Variants in DIAPH2 observed in about 807,000 individuals in gnomAD.
DIAPH2 encodes the protein protein diaphanous homolog 2.
Under a neutral mutation model 92.7 loss-of-function variants are expected in DIAPH2, and 35 were observed. That is an observed-to-expected ratio of 0.38 (90% CI 0.29 to 0.50). The LOEUF is 0.50. DIAPH2 is among the 20% of genes least tolerant of loss of function. The pLI, the probability that DIAPH2 is intolerant of heterozygous loss-of-function variation, is 0.94. For missense variants in DIAPH2, 701 were observed against 819.5 expected (o/e 0.86, Z 1.77); for synonymous variants, 301 against 280.4 (o/e 1.07, Z -0.73).
chrX:97,321,582 C>G lies in DIAPH2; in HGVS notation c.2845-26534C>G, dbSNP rs1372552417. 4.9e-5 allele frequency among the ~76,000 whole-genome samples: 4 copies of G among 81,617 alleles called. 1 individual carries two copies. Among genetic ancestry groups the G allele is most frequent in the African/African-American group, 2.0e-4 (4 of 20,485 alleles). 70.9% of individuals were successfully genotyped at this position (81,617 alleles called of 115,157 possible). Reference sequence around the variant, plus strand: ...TTTTTTTTTTTGAGATGGAATCTCGCTCTGTCCCCCAGGCTGGAGTGCAGT... The same window carrying G: ...TTTTTTTTTTTGAGATGGAATCTCGGTCTGTCCCCCAGGCTGGAGTGCAGT... On this transcript the variant is annotated intron_variant, in intron 23 of 26. Transcript: ENST00000324765.
At chrX:97,309,252 C>T in intron 23 of DIAPH2, among the ~76,000 whole-genome samples, 1 of 109,281 alleles carries the variant, frequency 9.2e-6, no homozygotes, top group Non-Finnish European at 1.9e-5. Context: ...GCATGAACCA[C>T]CACACCTGGC....
At chrX:97,386,790 CTT>C (rs1325888065) in intron 25 of DIAPH2, among the ~76,000 whole-genome samples, 3 of 93,352 alleles carry the variant, frequency 3.2e-5, no homozygotes, top group Admixed American at 1.2e-4. Context: ...CTCTTTCTTT[CTT>C]TTTTTTTTTT....
Position 96,841,513 on chromosome X carries a change from A to G in DIAPH2, c.448-40066A>G, listed in dbSNP as rs539717909. Reference sequence around the variant, plus strand: ...TCAGATTGCACTCCTTATGCCTTGAAAGTGCATCCAGAGTTGTCATTCTAA... The same window carrying G: ...TCAGATTGCACTCCTTATGCCTTGAGAGTGCATCCAGAGTTGTCATTCTAA... On this transcript the variant is annotated intron_variant, in intron 4 of 26. Transcript: ENST00000324765. Among the ~76,000 whole-genome samples the G allele has an allele frequency of 2.0e-4, 22 of 111,916 alleles. No individual in the cohort carries two copies. The South Asian group carries it at 5.3e-3, about 27-fold the overall frequency.
intron 26 of DIAPH2, among the ~76,000 whole-genome samples, chrX:97,568,115 C>CAAAAAAAAAAAAAAAAAA (rs59273565): frequency 3.3e-5 from 1 of 30,098 alleles, no homozygotes; most frequent in Non-Finnish European, 5.0e-5. Context: ...GACTCCATCT[C>CAAAAAAAAAAAAAAAAAA]AAAAAAAAAA....
intron 17 of DIAPH2, among the ~76,000 whole-genome samples, chrX:97,068,551 CAAAAA>C (rs975572751): frequency 9.1e-6 from 1 of 110,396 alleles, no homozygotes; most frequent in African/African-American, 3.3e-5. Context: ...TAGAAAATAA[CAAAAA>C]AAATCATTAA....
At chrX:97,054,682 T>C (rs1187593109) in intron 17 of DIAPH2, among the ~76,000 whole-genome samples, 2 of 111,768 alleles carry the variant, frequency 1.8e-5, no homozygotes, top group Non-Finnish European at 3.8e-5. Flanking sequence ...GGGTAGAGCA[T>C]TGGGACACCA....
chrX:97,338,948 C>G (rs1012196281), intron 23 of DIAPH2, among the ~76,000 whole-genome samples: 1 of 111,533 alleles, frequency 9.0e-6, no homozygotes, highest in African/African-American at 3.3e-5. Context: ...CTTCAGCTAC[C>G]TGAAATAGTC....
chrX:96,978,684 C>A (rs1383354219), intron 17 of DIAPH2, among the ~76,000 whole-genome samples: 1 of 109,996 alleles, frequency 9.1e-6, no homozygotes. Context: ...TTAATTATGG[C>A]TGCATAACCC....
intron 16 of DIAPH2, among the ~76,000 whole-genome samples, chrX:96,964,845 T>C (rs2065885140): frequency 9.0e-6 from 1 of 111,348 alleles, no homozygotes; most frequent in South Asian, 3.8e-4. Context: ...TAAGACTCCT[T>C]CCAGTAGAAT....
intron 25 of DIAPH2, among the ~76,000 whole-genome samples, chrX:97,407,020 C>T (rs1317104944): frequency 1.8e-5 from 2 of 110,996 alleles, no homozygotes; most frequent in East Asian, 2.8e-4. Context: ...GACTGTTACA[C>T]GAACAAGCAA....
chrX:97,309,556 C>G, intron 23 of DIAPH2, among the ~76,000 whole-genome samples: 1 of 111,900 alleles, frequency 8.9e-6, no homozygotes, highest in Middle Eastern at 4.6e-3. Context: ...TGTAGTTACA[C>G]TTTTAAAATA....
chrX:97,515,842 G>C (rs1439561182), intron 26 of DIAPH2, among the ~76,000 whole-genome samples: 1 of 111,244 alleles, frequency 9.0e-6, no homozygotes, highest in Non-Finnish European at 1.9e-5. Flanking sequence ...GTGACATACT[G>C]TTGGTAGCGG....
At chrX:97,384,099 GTTAT>G in intron 25 of DIAPH2, 55 bp downstream of exon 25, 5 of 978,240 alleles carry the variant, frequency 5.1e-6, no homozygotes, top group Non-Finnish European at 7.0e-6. Flanking sequence ...AATAATTGCA[GTTAT>G]TTATTTTTGG....
chrX:97,522,119 C>T (rs983404909), intron 26 of DIAPH2, among the ~76,000 whole-genome samples: 2 of 111,811 alleles, frequency 1.8e-5, no homozygotes, highest in African/African-American at 3.2e-5. Flanking sequence ...GGTTCTTATA[C>T]CTAGTTAGTA....
chrX:96,717,091 GT>G (rs1569373211), intron 1 of DIAPH2, among the ~76,000 whole-genome samples: 2 of 111,571 alleles, frequency 1.8e-5, no homozygotes, highest in Non-Finnish European at 1.9e-5. Flanking sequence ...TCTACCGATC[GT>G]TTACTTAGAA....
At chrX:97,104,304 A>G (rs1334189301) in intron 20 of DIAPH2, among the ~76,000 whole-genome samples, 1 of 111,903 alleles carries the variant, frequency 8.9e-6, no homozygotes, top group African/African-American at 3.2e-5. Context: ...ATTTGATAAC[A>G]TAAAAGAATT....
In DIAPH2 at chrX:97,429,727, C is replaced by G; in HGVS notation, c.3223C>G (p.Arg1075Gly). ...TGCAGCATTCAGAGACCGTCGAAAGCGGATTCCAAGGAATCCAGGTAAAAC... is the reference window on the plus strand; with the variant it reads ...TGCAGCATTCAGAGACCGTCGAAAGGGGATTCCAAGGAATCCAGGTAAAAC... ...SGAAFRDRRK[R>G]IPRNPDNRRV... Residue 1075 changes from arginine (R) to glycine (G), a missense_variant, in exon 26 of 27, where the codon CGG (arginine) becomes GGG (glycine). Around this residue, in one of 3 missense-constraint regions of DIAPH2, gnomAD observed 536 missense variants for 599.3 expected, o/e 0.89. Coordinates refer to ENST00000324765, the MANE Select transcript of DIAPH2 (RefSeq NM_006729.5). 1 of 1,207,961 alleles carries G rather than the reference C, an allele frequency of 8.3e-7. No homozygotes were observed.
chrX:97,350,794 T>G (rs970174430), intron 24 of DIAPH2, among the ~76,000 whole-genome samples: 1 of 112,244 alleles, frequency 8.9e-6, no homozygotes, highest in Non-Finnish European at 1.9e-5. Context: ...TCATATATAT[T>G]ACATACATAT....
intron 5 of DIAPH2, among the ~76,000 whole-genome samples, chrX:96,896,348 T>A (rs1232326824): frequency 8.9e-6 from 1 of 111,934 alleles, no homozygotes; most frequent in Non-Finnish European, 1.9e-5. Flanking sequence ...CTCTAATTAA[T>A]GATTTTTATG....
Sources: gnomAD v4.1 joint callset for allele counts (sites outside exome capture counted in the v4.1 genomes callset) on GRCh38, gnomAD v4.1.1 for gene constraint, gnomAD v4.1.1 regional missense constraint, MANE v1.5 for transcripts, NCBI Gene and HGNC (gene_info 2026-07-23, HGNC 2026-07-21) for gene names.